The following H2AJ variants were observed in gnomAD, a reference collection of about 807,000 sequenced individuals.
H2AJ encodes H2A.J histone.
In H2AJ, 3 loss-of-function variants were observed where a neutral mutation model predicts 7.9. The ratio of observed to expected loss-of-function variants is 0.38; its 90% confidence interval spans 0.17 to 0.98. H2AJ has a LOEUF of 0.98. Ranked by LOEUF, H2AJ falls within the 50% of genes least tolerant of loss-of-function variation. The probability of loss-of-function intolerance (pLI) is 0.39; values close to 1 mark genes in which losing one functional copy is unlikely to be tolerated. For missense variants in H2AJ, 128 were observed against 174.4 expected (o/e 0.73, Z 1.50); for synonymous variants, 98 against 85.7 (o/e 1.14, Z -0.79).
chr12:14,775,384 C>T (rs1160003388), downstream of H2AJ: 7 of 471,152 alleles, frequency 1.5e-5, no homozygotes, highest in East Asian at 4.2e-4. Flanking sequence ...GAAGTGTCTG[C>T]GGCCATATTT....
chr12:14,774,463 A>C lies in H2AJ; in HGVS notation c.-8A>C. 6.4e-7 allele frequency: 1 copy of C among 1,554,282 alleles called. No homozygotes were observed. ...CTCCGTCTCTGGAGTTGTAGGCGAG[A>C]GGTGATCATGTCCGGTCGCGGGAAA... On this transcript the variant is annotated 5_prime_UTR_variant, in exon 1 of 1. Transcript: ENST00000544848.
chr12:14,774,921 G>C lies in H2AJ; in HGVS notation c.*61G>C. 1.3e-6 allele frequency: 2 copies of C among 1,557,840 alleles called. No homozygotes were observed. The highest frequency in any genetic ancestry group is 1.7e-6 in the Non-Finnish European group (2 of 1,148,452). On this transcript the variant is annotated 3_prime_UTR_variant, in exon 1 of 1. Coordinates refer to ENST00000544848, the MANE Select transcript of H2AJ (RefSeq NM_177925.5). The stretch of plus-strand genomic sequence containing the variant: ...CAAAGGCCCTTTTCATGGTCGTCCC[G>C]CAATGCTTTTGAATGTGCTGGATGT...
downstream of H2AJ, chr12:14,775,408 G>T (rs1949625128): frequency 2.1e-6 from 1 of 471,166 alleles, no homozygotes; most frequent in African/African-American, 2.0e-5. Flanking sequence ...AAAAAGTGGA[G>T]TAACTTTCCG....
Position 14,774,680 on chromosome 12 carries a change from C to T in H2AJ, c.210C>T (p.Ala70=). 5.6e-6 allele frequency: 9 copies of T among 1,614,144 alleles called. No homozygotes were observed. The highest frequency in any genetic ancestry group is 7.6e-6 in the Non-Finnish European group (9 of 1,180,018). ...AGATCCTGGAGCTGGCTGGCAACGC[C>T]GCGCGTGACAACAAGAAGACCAGGA... is the stretch of plus-strand genomic sequence containing the variant. ...TAEILELAGN[A]ARDNKKTRII... is the part of the protein sequence containing the mutation. Residue 70 remains alanine (A), a synonymous_variant, in exon 1 of 1, where the codon GCC becomes GCT. Transcript: ENST00000544848.
chr12:14,777,291 A>G (rs1306524005), downstream of H2AJ: 1 of 167,072 alleles, frequency 6.0e-6, no homozygotes, highest in African/African-American at 2.4e-5. Flanking sequence ...ACTGAATTCC[A>G]GTTTTTAATA....
rs765348730 is a variant in H2AJ at position 14,774,429 on chromosome 12, G to C, written c.-42G>C. ...TGCATTCCGGTACCGGACGCCGAGA[G>C]CGGTTTGTCTCCGTCTCTGGAGTTG... On this transcript the variant is annotated 5_prime_UTR_variant, in exon 1 of 1. Transcript: ENST00000544848. The C allele has an allele frequency of 1.3e-5, 20 of 1,525,008 alleles. No homozygotes were observed. The highest frequency in any genetic ancestry group is 1.6e-5 in the Non-Finnish European group (18 of 1,138,436). 94.5% of individuals were successfully genotyped at this position (1,525,008 alleles called of 1,614,324 possible).
Position 14,774,677 on chromosome 12 carries a change from C to T in H2AJ, c.207C>T (p.Asn69=), listed in dbSNP as rs1592206369. 6.2e-7 allele frequency: 1 copy of T among 1,614,128 alleles called. No individual in the cohort carries two copies. The change falls in exon 1 of 1, where the codon AAC becomes AAT. Residue 69 remains asparagine, a synonymous_variant. Coordinates refer to ENST00000544848, the MANE Select transcript of H2AJ (RefSeq NM_177925.5). ...CGGAGATCCTGGAGCTGGCTGGCAA[C>T]GCCGCGCGTGACAACAAGAAGACCA... ...LTAEILELAG[N]AARDNKKTRI...
At chr12:14,775,536 A>AT (rs139499522), downstream of H2AJ, 5,002 of 308,700 alleles carry the variant, frequency 0.016, 2 homozygotes, top group South Asian at 0.027. Context: ...TTATGTTCAT[A>AT]TTTTTTTTTT....
At position 14,774,963 on chromosome 12, in the gene H2AJ, C is replaced by T. The variant is rs1403914856; in HGVS notation, c.*103C>T. ...GCTGGATGTCATGGAGGGCCGGTGA[C>T]ATCTAGCGGGGAGGTGGGCGGCGAG... On this transcript the variant is annotated 3_prime_UTR_variant, in exon 1 of 1. Coordinates refer to ENST00000544848, the MANE Select transcript of H2AJ (RefSeq NM_177925.5). 2.2e-6 allele frequency: 3 copies of T among 1,359,460 alleles called. No homozygotes were observed. Among genetic ancestry groups the T allele is most frequent in the African/African-American group, 2.9e-5 (2 of 68,426 alleles). The allele number at this position is 1,359,460 out of a possible 1,614,324, so 84.2% of individuals were successfully genotyped here.
Position 14,775,012 on chromosome 12 carries a change from T to G in H2AJ, c.*152T>G, listed in dbSNP as rs1205951442. 1.1e-5 allele frequency: 10 copies of G among 903,674 alleles called. No individual in the cohort carries two copies. The highest frequency in any genetic ancestry group is 2.9e-5 in the Admixed American group (1 of 34,782). The allele number at this position is 903,674 out of a possible 1,614,324, so 56.0% of individuals were successfully genotyped here. A position where few individuals can be genotyped will look rare whatever the true frequency, so the allele number is the denominator to read the frequency against. On this transcript the variant is annotated 3_prime_UTR_variant, in exon 1 of 1. Transcript: ENST00000544848. ...AGGGTCCCGGCGGGAGCCAATAAAG[T>G]TGGTGAAAATCGTTTGGTCGAGAGA...
At position 14,774,425 on chromosome 12, in the gene H2AJ, G is replaced by A; in HGVS notation, c.-46G>A. 1 of 1,523,970 alleles carries A rather than the reference G, an allele frequency of 6.6e-7. No individual in the cohort carries two copies. Among genetic ancestry groups the A allele is most frequent in the African/African-American group, 1.4e-5 (1 of 71,940 alleles). 94.4% of individuals were successfully genotyped at this position (1,523,970 alleles called of 1,614,324 possible). A position where few individuals can be genotyped will look rare whatever the true frequency, so the allele number is the denominator to read the frequency against. Reference sequence around the variant, plus strand: ...ACGTTGCATTCCGGTACCGGACGCCGAGAGCGGTTTGTCTCCGTCTCTGGA... The same window carrying A: ...ACGTTGCATTCCGGTACCGGACGCCAAGAGCGGTTTGTCTCCGTCTCTGGA... On this transcript the variant is annotated 5_prime_UTR_variant, in exon 1 of 1. Transcript: ENST00000544848.
At chr12:14,777,777 C>T (rs1474628578), downstream of H2AJ, 1 of 167,044 alleles carries the variant, frequency 6.0e-6, no homozygotes, top group African/African-American at 2.4e-5. Context: ...CTAAGATTCC[C>T]ATATAGAAAT....
chr12:14,774,648 A>T lies in H2AJ; in HGVS notation c.178A>T (p.Thr60Ser), dbSNP rs1949605472. 2 of 1,614,156 alleles carry T rather than the reference A, an allele frequency of 1.2e-6. No individual in the cohort carries two copies. Among genetic ancestry groups the T allele is most frequent in the South Asian group, 2.2e-5 (2 of 91,076 alleles). Reference sequence around the variant, plus strand: ...CCTGGCGGCGGTGTTGGAGTACCTTACGGCGGAGATCCTGGAGCTGGCTGG... The same window carrying T: ...CCTGGCGGCGGTGTTGGAGTACCTTTCGGCGGAGATCCTGGAGCTGGCTGG... ...VYLAAVLEYL[T>S]AEILELAGNA... is the part of the protein sequence containing the mutation. The change falls in exon 1 of 1, where the codon ACG (threonine) becomes TCG (serine). Residue 60 changes from threonine (T) to serine (S), a missense_variant. Coordinates refer to ENST00000544848, the MANE Select transcript of H2AJ (RefSeq NM_177925.5).
Position 14,774,509 on chromosome 12 carries a change from A to C in H2AJ, c.39A>C (p.Ala13=). The change falls in exon 1 of 1, where the codon GCA becomes GCC. Residue 13 remains alanine (A), a synonymous_variant. Coordinates refer to ENST00000544848, the MANE Select transcript of H2AJ (RefSeq NM_177925.5). ...GGAAACAGGGCGGCAAAGTGCGAGCAAAGGCCAAATCCCGCTCCTCCCGCG... is the reference window on the plus strand; with the variant it reads ...GGAAACAGGGCGGCAAAGTGCGAGCCAAGGCCAAATCCCGCTCCTCCCGCG... The part of the protein sequence containing the change: ...GRGKQGGKVR[A]KAKSRSSRAG... 6.3e-7 allele frequency: 1 copy of C among 1,597,164 alleles called. No homozygotes were observed. Among genetic ancestry groups the C allele is most frequent in the Admixed American group, 1.8e-5 (1 of 56,298 alleles).
In H2AJ at chr12:14,774,407, A is replaced by G. The variant is rs1949596560; in HGVS notation, c.-64A>G. 4.0e-6 allele frequency: 6 copies of G among 1,511,118 alleles called. No individual in the cohort carries two copies. The highest frequency in any genetic ancestry group is 2.7e-6 in the Non-Finnish European group (3 of 1,129,704). 93.6% of individuals were successfully genotyped at this position (1,511,118 alleles called of 1,614,324 possible). A position where few individuals can be genotyped will look rare whatever the true frequency, so the allele number is the denominator to read the frequency against. ...AGGCAGTTCGGGTGCGGTACGTTGC[A>G]TTCCGGTACCGGACGCCGAGAGCGG... On this transcript the variant is annotated 5_prime_UTR_variant, in exon 1 of 1. Transcript: ENST00000544848.
In H2AJ at chr12:14,774,824, C is replaced by T. The variant is rs1339340747; in HGVS notation, c.354C>T (p.Pro118=). ...CCAACATCCAGGCCGTGCTGCTGCC[C>T]AAGAAGACGGAGAGTCAGAAGACGA... ...VLPNIQAVLL[P]KKTESQKTKS... Residue 118 remains proline (P), a synonymous_variant, in exon 1 of 1, where the codon CCC becomes CCT. Transcript: ENST00000544848. The T allele has an allele frequency of 6.2e-7, 1 of 1,614,086 alleles. No homozygotes were observed. Among genetic ancestry groups the T allele is most frequent in the Non-Finnish European group, 8.5e-7 (1 of 1,180,040 alleles).
chr12:14,776,592 G>A (rs1362032600), downstream of H2AJ: 1 of 167,022 alleles, frequency 6.0e-6, no homozygotes, highest in Non-Finnish European at 1.5e-5. Context: ...GATTGAGATT[G>A]TTCATTTACT....
Position 14,774,874 on chromosome 12 carries a change from C to T in H2AJ, c.*14C>T. ...AAGAGCAAATGACCCTGACGCCGCCCTCAGGGAGCTGGCTCCCCCAGCAAA... is the reference window on the plus strand; with the variant it reads ...AAGAGCAAATGACCCTGACGCCGCCTTCAGGGAGCTGGCTCCCCCAGCAAA... On this transcript the variant is annotated 3_prime_UTR_variant, in exon 1 of 1. Coordinates refer to ENST00000544848, the MANE Select transcript of H2AJ (RefSeq NM_177925.5). The T allele has an allele frequency of 6.8e-6, 11 of 1,610,336 alleles. No individual in the cohort carries two copies. The highest frequency in any genetic ancestry group is 9.3e-6 in the Non-Finnish European group (11 of 1,178,034).
rs1200973579 is a variant in H2AJ, at chr12:14,774,809, G to C, written c.339G>C (p.Gln113His). ...AGGGCGGCGTCCTGCCCAACATCCA[G>C]GCCGTGCTGCTGCCCAAGAAGACGG... The part of the protein sequence containing the change: ...IAQGGVLPNI[Q>H]AVLLPKKTES... The change falls in exon 1 of 1, where the codon CAG (glutamine) becomes CAC (histidine). Residue 113 changes from glutamine to histidine, a missense_variant. By Grantham distance (24) the Gln-to-His change is conservative (BLOSUM62 0). Transcript: ENST00000544848. 6.2e-7 allele frequency: 1 copy of C among 1,614,222 alleles called. No individual in the cohort carries two copies. Among genetic ancestry groups the C allele is most frequent in the African/African-American group, 1.3e-5 (1 of 75,064 alleles).
Sources: gnomAD v4.1 joint callset for allele counts on GRCh38, gnomAD v4.1.1 for gene constraint, MANE v1.5 for transcripts, NCBI Gene and HGNC (gene_info 2026-07-23, HGNC 2026-07-21) for gene names.